The following INO80 variants were observed in gnomAD, a reference collection of about 807,000 sequenced individuals.
The protein encoded by INO80 is INO80 complex ATPase subunit.
INO80 carries 20 observed loss-of-function variants against 203.4 expected under a neutral mutation model. The observed-to-expected ratio is 0.10, with a 90% CI of 0.07 to 0.14. The LOEUF is 0.14. Among genes scored for constraint, INO80 ranks in the 10% least tolerant of loss-of-function variants. The pLI is 1.00. For missense variants in INO80, 1,419 were observed against 1,914.4 expected (o/e 0.74, Z 4.83); for synonymous variants, 726 against 685.2 (o/e 1.06, Z -0.93).
At chr15:41,030,014 C>G (rs1220840891) in intron 24 of INO80, among the ~76,000 whole-genome samples, 1 of 152,212 alleles carries the variant, frequency 6.6e-6, no homozygotes, top group African/African-American at 2.4e-5. Flanking sequence ...GCAGCAGTAG[C>G]TGACCTGAAG....
intron 17 of INO80, among the ~76,000 whole-genome samples, chr15:41,055,662 A>T (rs1341084708): frequency 6.6e-6 from 1 of 152,240 alleles, no homozygotes; most frequent in Non-Finnish European, 1.5e-5. Flanking sequence ...CGATCTTCTT[A>T]TAAAAATCTA....
chr15:41,032,048 C>G (rs963041601), intron 24 of INO80, among the ~76,000 whole-genome samples: 47 of 87,476 alleles, frequency 5.4e-4, no homozygotes, highest in South Asian at 1.8e-3. Flanking sequence ...CACAGCACAG[C>G]ACAGCACAGC....
intron 24 of INO80, among the ~76,000 whole-genome samples, chr15:41,037,353 C>T (rs1163773021): frequency 6.6e-6 from 1 of 151,444 alleles, no homozygotes; most frequent in Non-Finnish European, 1.5e-5. Context: ...ACTAAAAACA[C>T]AAAAATTAGC....
At chr15:41,104,038 G>A (rs1276919475) in intron 1 of INO80, among the ~76,000 whole-genome samples, 2 of 151,600 alleles carry the variant, frequency 1.3e-5, no homozygotes, top group South Asian at 4.2e-4. Context: ...GACCAACATG[G>A]AGAAACCTCG....
At position 41,106,978 on chromosome 15, in the gene INO80, G is replaced by GC. The variant is rs1235087492; in HGVS notation, c.-44+8994dup. On this transcript the variant is annotated intron_variant, in intron 1 of 35. Coordinates refer to ENST00000648947, the MANE Select transcript of INO80 (RefSeq NM_017553.3). ...ACCAGTATCAGAATTGTTAACCTCT[G>GC]CCCCTTCGGAATGTAACTTTATCAA... Among the ~76,000 whole-genome samples the GC allele has an allele frequency of 2.6e-5, 4 of 152,236 alleles. No individual in the cohort carries two copies. In the East Asian group the frequency reaches 7.7e-4, roughly 29 times the overall value.
At chr15:41,014,163 C>A (rs932547889) in intron 27 of INO80, among the ~76,000 whole-genome samples, 1 of 152,202 alleles carries the variant, frequency 6.6e-6, no homozygotes, top group Non-Finnish European at 1.5e-5. Context: ...CTCACCTTCA[C>A]CTACCGAAGC....
intron 31 of INO80, 43 bp downstream of exon 31, chr15:40,987,048 C>A: frequency 8.7e-7 from 1 of 1,152,576 alleles, no homozygotes; most frequent in South Asian, 1.3e-5. Flanking sequence ...CTCTTCCATT[C>A]TCAGATACGT....
chr15:41,051,759 C>T (rs556125138), intron 19 of INO80, among the ~76,000 whole-genome samples: 1 of 152,212 alleles, frequency 6.6e-6, no homozygotes, highest in Non-Finnish European at 1.5e-5. Context: ...TCGAGACCAT[C>T]CTGGCCAACC....
intron 14 of INO80, among the ~76,000 whole-genome samples, chr15:41,061,605 A>G (rs2045110415): frequency 6.6e-6 from 1 of 152,038 alleles, no homozygotes; most frequent in Non-Finnish European, 1.5e-5. Flanking sequence ...CCTGGGCGAC[A>G]GAGTGAGACT....
chr15:41,008,158 G>A (rs1029490634), intron 27 of INO80, among the ~76,000 whole-genome samples: 1 of 151,986 alleles, frequency 6.6e-6, no homozygotes, highest in African/African-American at 2.4e-5. Context: ...CTGGGCAACA[G>A]GGTGATTGTC....
chr15:41,040,872 A>G (rs994523064), intron 24 of INO80, among the ~76,000 whole-genome samples: 2 of 152,208 alleles, frequency 1.3e-5, no homozygotes, highest in Non-Finnish European at 2.9e-5. Context: ...ACTACAAATC[A>G]TAAGAAAAAT....
intron 5 of INO80, among the ~76,000 whole-genome samples, chr15:41,088,096 T>C (rs992775908): frequency 2.7e-5 from 4 of 145,620 alleles, no homozygotes; most frequent in Admixed American, 1.4e-4. Context: ...TCTTTTTTTT[T>C]TTTTTTTTTT....
intron 4 of INO80, 145 bp downstream of exon 4, chr15:41,095,456 A>C (rs925691801): frequency 1.6e-6 from 1 of 634,048 alleles, no homozygotes; most frequent in South Asian, 2.0e-5. Flanking sequence ...TTTTCTCAAT[A>C]ATCTCTTCAA....
At chr15:41,027,222 C>G (rs1352011287) in intron 25 of INO80, among the ~76,000 whole-genome samples, 1 of 152,212 alleles carries the variant, frequency 6.6e-6, no homozygotes, top group African/African-American at 2.4e-5. Context: ...CCTTACCAAT[C>G]TGACGCCCTC....
chr15:40,986,178 C>T (rs1315824424), intron 31 of INO80, among the ~76,000 whole-genome samples: 1 of 152,158 alleles, frequency 6.6e-6, no homozygotes, highest in African/African-American at 2.4e-5. Context: ...TCCAACTTTT[C>T]CATAAAAACA....
At position 41,003,329 on chromosome 15, in the gene INO80, C is replaced by CTTTTTTTTTTTTTTTTTTTTTTTT. The variant is rs771356698; in HGVS notation, c.3497+2263_3497+2264insAAAAAAAAAAAAAAAAAAAAAAAA. Among the ~76,000 whole-genome samples, 14 of 107,576 alleles carry CTTTTTTTTTTTTTTTTTTTTTTTT rather than the reference C, an allele frequency of 1.3e-4. 7 individuals are homozygous for CTTTTTTTTTTTTTTTTTTTTTTTT. The highest frequency in any genetic ancestry group is 1.5e-4 in the Non-Finnish European group (8 of 53,386). 70.6% of individuals were successfully genotyped at this position (107,576 alleles called of 152,430 possible). On this transcript the variant is annotated intron_variant, in intron 28 of 35. Transcript: ENST00000648947. The stretch of plus-strand genomic sequence containing the variant: ...TGGGATTGTGGGTGATTTTTCTTTT[C>CTTTTTTTTTTTTTTTTTTTTTTTT]TTTTCTTTTTTTTTTTTTTGAGATG...
chr15:41,040,166 TG>T (rs1464335677), intron 24 of INO80, among the ~76,000 whole-genome samples: 1 of 151,882 alleles, frequency 6.6e-6, no homozygotes, highest in Non-Finnish European at 1.5e-5. Flanking sequence ...CACAACATAG[TG>T]AGACCCTGCT....
At position 40,980,010 on chromosome 15, in the gene INO80, G is replaced by T. The variant is rs536972433; in HGVS notation, c.*213C>A. On this transcript the variant is annotated 3_prime_UTR_variant, in exon 36 of 36. Transcript: ENST00000648947. The stretch of plus-strand genomic sequence containing the variant: ...ATGCAGTGGGGCTGATCCATGCCCT[G>T]TGGCCTTCCTCCTACAGGCACCCCA... 3.4e-6 allele frequency: 2 copies of T among 586,154 alleles called. No individual in the cohort carries two copies. The highest frequency in any genetic ancestry group is 5.8e-5 in the East Asian group (2 of 34,616). 36.3% of individuals were successfully genotyped at this position (586,154 alleles called of 1,614,324 possible). A position where few individuals can be genotyped will look rare whatever the true frequency, so the allele number is the denominator to read the frequency against.
At chr15:41,089,911 C>T (rs911126818) in intron 5 of INO80, among the ~76,000 whole-genome samples, 17 of 152,214 alleles carry the variant, frequency 1.1e-4, no homozygotes, top group Non-Finnish European at 2.2e-4. Context: ...AGAATGTAAG[C>T]ATTCTGGCAA....
Sources: gnomAD v4.1 joint callset for allele counts (sites outside exome capture counted in the v4.1 genomes callset) on GRCh38, gnomAD v4.1.1 for gene constraint, MANE v1.5 for transcripts, NCBI Gene and HGNC (gene_info 2026-07-23, HGNC 2026-07-21) for gene names.